ROBO2: variants seen among roughly 807,000 people sequenced by gnomAD.
The protein encoded by ROBO2 is roundabout guidance receptor 2, also known as roundabout homolog 2.
Under a neutral mutation model 160.8 loss-of-function variants are expected in ROBO2, and 53 were observed. That is an observed-to-expected ratio of 0.33 (90% CI 0.26 to 0.41). The LOEUF (loss-of-function observed/expected upper bound fraction) is 0.41. ROBO2 is among the 10% of genes least tolerant of loss of function. The probability of loss-of-function intolerance (pLI) is 1.00; values close to 1 mark genes in which losing one functional copy is unlikely to be tolerated. For missense variants in ROBO2, 1,577 were observed against 1,722.4 expected (o/e 0.92, Z 1.49); for synonymous variants, 664 against 611.7 (o/e 1.09, Z -1.26).
At position 77,153,590 on chromosome 3, in the gene ROBO2, T is replaced by C. The variant is rs1579441636; in HGVS notation, c.388+55250T>C. On this transcript the variant is annotated intron_variant, in intron 2 of 25. Transcript: ENST00000461745. ...CCACAGTTGACTTCCTAGTTCCTGA[T>C]CACATGCAATAATGAGAGGAAGCCA... Among the ~76,000 whole-genome samples, 2 of 152,232 alleles carry C rather than the reference T, an allele frequency of 1.3e-5. 1 individual carries two copies. The highest frequency in any genetic ancestry group is 1.3e-4 in the Admixed American group (2 of 15,280).
chr3:77,582,016 C>T (rs1321159468), intron 16 of ROBO2, among the ~76,000 whole-genome samples: 1 of 152,106 alleles, frequency 6.6e-6, no homozygotes, highest in Non-Finnish European at 1.5e-5. Flanking sequence ...GTGAGATTCC[C>T]TATCCTAAAA....
intron 14 of ROBO2, among the ~76,000 whole-genome samples, chr3:77,576,631 C>T (rs2093772307): frequency 6.6e-6 from 1 of 152,098 alleles, no homozygotes; most frequent in African/African-American, 2.4e-5. Context: ...AAGAGCTTCT[C>T]TCTTGCCTTT....
chr3:77,043,684 A>T (rs771218808), intron 1 of ROBO2, among the ~76,000 whole-genome samples: 12 of 152,198 alleles, frequency 7.9e-5, no homozygotes, highest in Non-Finnish European at 1.5e-4. Context: ...ATTTTTGAAT[A>T]AGAATAGGGT....
chr3:77,376,577 T>C (rs1581466250), intron 2 of ROBO2, among the ~76,000 whole-genome samples: 1 of 152,202 alleles, frequency 6.6e-6, no homozygotes. Context: ...CTAAAGGCCC[T>C]TATAAAGTCA....
At chr3:75,924,899 A>G (rs972727068) in intron 1 of ROBO2, among the ~76,000 whole-genome samples, 3 of 151,320 alleles carry the variant, frequency 2.0e-5, no homozygotes, top group Non-Finnish European at 3.0e-5. Context: ...CGTGTTAGCC[A>G]GGATGGTCTC....
chr3:76,351,280 A>G (rs989110112), intron 2 of ROBO2, among the ~76,000 whole-genome samples: 7 of 151,956 alleles, frequency 4.6e-5, no homozygotes, highest in African/African-American at 1.7e-4. Flanking sequence ...GCACAATACT[A>G]ATAGCAACAG....
intron 2 of ROBO2, among the ~76,000 whole-genome samples, chr3:76,938,971 C>CAAAAAAAAAAAAAAAAAA (rs71629626): frequency 4.3e-4 from 49 of 114,566 alleles, no homozygotes; most frequent in African/African-American, 1.5e-3. Flanking sequence ...AACTCAGTCT[C>CAAAAAAAAAAAAAAAAAA]AAAAAAAAAA....
intron 2 of ROBO2, among the ~76,000 whole-genome samples, chr3:76,271,490 T>A (rs1199865223): frequency 6.7e-6 from 1 of 150,178 alleles, no homozygotes; most frequent in Non-Finnish European, 1.5e-5. Flanking sequence ...CAGATTCACA[T>A]ATGTTTAATA....
At position 76,250,581 on chromosome 3, in the gene ROBO2, T is replaced by C. The variant is rs145228656; in HGVS notation, c.109+312979T>C. Among the ~76,000 whole-genome samples, 216 of 152,124 alleles carry C rather than the reference T, an allele frequency of 1.4e-3. 1 individual carries two copies. Among genetic ancestry groups the C allele is most frequent in the African/African-American group, 4.8e-3 (201 of 41,538 alleles). On this transcript the variant is annotated intron_variant, in intron 2 of 26. Coordinates refer to the ROBO2 transcript ENST00000487694. The stretch of plus-strand genomic sequence containing the variant: ...TGACATGTGCTAGCACTGCCTTTCT[T>C]AAGGAGTATGGCCTTGAACAGTTTC...
chr3:76,294,460 C>G (rs554705286), intron 2 of ROBO2, among the ~76,000 whole-genome samples: 2 of 152,300 alleles, frequency 1.3e-5, no homozygotes, highest in African/African-American at 4.8e-5. Flanking sequence ...CTGAGCTTTA[C>G]GTACCTTAAT....
At chr3:76,972,233 C>G (rs1452584306) in intron 2 of ROBO2, among the ~76,000 whole-genome samples, 1 of 152,036 alleles carries the variant, frequency 6.6e-6, no homozygotes, top group Non-Finnish European at 1.5e-5. Context: ...TGTTGAGGTT[C>G]TACTCCTGCA....
chr3:76,301,716 C>A (rs1709367784), intron 2 of ROBO2, among the ~76,000 whole-genome samples: 1 of 152,040 alleles, frequency 6.6e-6, no homozygotes, highest in Non-Finnish European at 1.5e-5. Flanking sequence ...AAAATGTATT[C>A]TCGTTTTCTC....
chr3:77,503,699 G>A (rs561050755), intron 5 of ROBO2, among the ~76,000 whole-genome samples: 1 of 151,876 alleles, frequency 6.6e-6, no homozygotes, highest in South Asian at 2.1e-4. Context: ...TTAACAGGTA[G>A]GACTGAGTTC....
chr3:76,898,838 T>A (rs1053944876), intron 2 of ROBO2, among the ~76,000 whole-genome samples: 1 of 152,144 alleles, frequency 6.6e-6, no homozygotes, highest in Admixed American at 6.6e-5. Flanking sequence ...TTGTTAAAAA[T>A]ATATGTTCTA....
At chr3:76,985,592 A>T (rs1181000081) in intron 2 of ROBO2, among the ~76,000 whole-genome samples, 3 of 149,458 alleles carry the variant, frequency 2.0e-5, no homozygotes, top group South Asian at 4.2e-4. Flanking sequence ...AAAAAAAAAA[A>T]AAAAAAAAAA....
intron 22 of ROBO2, among the ~76,000 whole-genome samples, chr3:77,619,321 C>T (rs1351491327): frequency 6.6e-6 from 1 of 152,068 alleles, no homozygotes; most frequent in Non-Finnish European, 1.5e-5. Context: ...TTCAAGGGTC[C>T]CCAAGACCAC....
At chr3:76,927,210 A>G (rs1334884028) in intron 2 of ROBO2, among the ~76,000 whole-genome samples, 1 of 152,194 alleles carries the variant, frequency 6.6e-6, no homozygotes, top group African/African-American at 2.4e-5. Context: ...AACTGTAAGT[A>G]TCCACAGAAC....
chr3:77,024,456 C>G (rs1225791923), intron 2 of ROBO2, among the ~76,000 whole-genome samples: 3 of 152,144 alleles, frequency 2.0e-5, no homozygotes, highest in Admixed American at 2.0e-4. Flanking sequence ...AGGGAGTCAT[C>G]TCAGCTACAA....
intron 2 of ROBO2, among the ~76,000 whole-genome samples, chr3:77,424,451 A>T (rs1581828020): frequency 6.6e-6 from 1 of 152,196 alleles, no homozygotes; most frequent in Non-Finnish European, 1.5e-5. Flanking sequence ...TTGATATAAG[A>T]TACAATATAT....
Sources: gnomAD v4.1 joint callset for allele counts (sites outside exome capture counted in the v4.1 genomes callset) on GRCh38, gnomAD v4.1.1 for gene constraint, MANE v1.5 for transcripts, NCBI Gene and HGNC (gene_info 2026-07-23, HGNC 2026-07-21) for gene names.